CALCRL: variants seen among roughly 807,000 people sequenced by gnomAD.
The protein encoded by CALCRL is calcitonin receptor like receptor.
A neutral mutation model predicts 60.4 loss-of-function variants in CALCRL; 27 were observed. The ratio of observed to expected loss-of-function variants is 0.45; its 90% confidence interval spans 0.33 to 0.62. The LOEUF (loss-of-function observed/expected upper bound fraction) is 0.62, where lower values mean the gene tolerates loss of function less well. CALCRL is among the 20% of genes least tolerant of loss of function. CALCRL has a pLI of 0.03. For missense variants in CALCRL, 424 were observed against 540.7 expected (o/e 0.78, Z 2.14); for synonymous variants, 190 against 182.6 (o/e 1.04, Z -0.33).
chr2:187,409,712 G>C (rs187744684), intron 1 of CALCRL, among the ~76,000 whole-genome samples: 398 of 152,294 alleles, frequency 2.6e-3, no homozygotes, highest in South Asian at 5.0e-3. Context: ...AAAATGACAA[G>C]ATAGTCCTAT....
In CALCRL at chr2:187,359,235, AGCAAT is replaced by A; in HGVS notation, c.814_818del (p.Ile272Ter). 1 of 1,589,700 alleles carries A rather than the reference AGCAAT, an allele frequency of 6.3e-7. No individual in the cohort carries two copies. Among genetic ancestry groups the A allele is most frequent in the Non-Finnish European group, 8.6e-7 (1 of 1,167,314 alleles). On this transcript the variant is annotated frameshift_variant, in exon 11 of 15. Coordinates refer to ENST00000392370, the MANE Select transcript of CALCRL (RefSeq NM_005795.6). LOFTEE classifies it high-confidence loss of function. ...ACTTGTCATTGTAATATAAGCTTCT[AGCAAT>A]GGCATGTATACAAGCAGGAATCAGT... is the stretch of plus-strand genomic sequence containing the variant.
Position 187,360,759 on chromosome 2 carries a change from GA to G in CALCRL, c.628-9del, listed in dbSNP as rs200387056. The G allele has an allele frequency of 9.4e-4, 1,370 of 1,451,796 alleles. 14 individuals are homozygous for G. The South Asian group carries it at 0.011, about 11-fold the overall frequency. The allele number at this position is 1,451,796 out of a possible 1,614,324, so 89.9% of individuals were successfully genotyped here. A position where few individuals can be genotyped will look rare whatever the true frequency, so the allele number is the denominator to read the frequency against. ...GGACACTTTGCAACTAACCTGTGAG[GA>G]AAAAAAAAACCCCAATATTTACTTG... On this transcript the variant is annotated splice_polypyrimidine_tract_variant and intron_variant, in intron 9 of 14. Transcript: ENST00000392370.
intron 12 of CALCRL, among the ~76,000 whole-genome samples, chr2:187,355,576 AG>A (rs1222303985): frequency 2.6e-5 from 4 of 152,142 alleles, no homozygotes; most frequent in African/African-American, 9.6e-5. Context: ...GTATTTAAAA[AG>A]AGTCTGAAGA....
chr2:187,431,499 A>G (rs1036208708), intron 1 of CALCRL: 2 of 154,674 alleles, frequency 1.3e-5, no homozygotes, highest in Non-Finnish European at 2.9e-5. Flanking sequence ...TTCAAATGAT[A>G]CTTTTCAATG....
intron 1 of CALCRL, among the ~76,000 whole-genome samples, chr2:187,418,583 C>A (rs937113205): frequency 5.9e-5 from 9 of 152,006 alleles, no homozygotes; most frequent in Non-Finnish European, 1.0e-4. Context: ...AAGGTTTATT[C>A]ATTCTTACCT....
chr2:187,426,033 T>C (rs975839374), intron 1 of CALCRL, among the ~76,000 whole-genome samples: 3 of 151,882 alleles, frequency 2.0e-5, no homozygotes, highest in East Asian at 1.9e-4. Context: ...CTTCCTGTTA[T>C]AGAATTTTAT....
chr2:187,443,789 G>A (rs1004010770), intron 1 of CALCRL, among the ~76,000 whole-genome samples: 6 of 151,344 alleles, frequency 4.0e-5, no homozygotes, highest in Admixed American at 2.0e-4. Flanking sequence ...GTTATTTATT[G>A]CTCTCTGATA....
At chr2:187,349,266 A>C (rs1394083215) in intron 14 of CALCRL, among the ~76,000 whole-genome samples, 1 of 151,650 alleles carries the variant, frequency 6.6e-6, no homozygotes, top group Non-Finnish European at 1.5e-5. Flanking sequence ...TAATCCAAGC[A>C]CTTGTCAAGC....
At chr2:187,374,605 T>G (rs1260512965) in intron 8 of CALCRL, among the ~76,000 whole-genome samples, 1 of 152,158 alleles carries the variant, frequency 6.6e-6, no homozygotes, top group Non-Finnish European at 1.5e-5. Context: ...CCTTTCTCAG[T>G]GTTCCCCAGG....
chr2:187,395,831 C>G (rs1688627367), intron 1 of CALCRL, among the ~76,000 whole-genome samples: 1 of 152,016 alleles, frequency 6.6e-6, no homozygotes, highest in South Asian at 2.1e-4. Context: ...TTCATTGAAC[C>G]TGGGCAAATT....
At chr2:187,387,112 C>G (rs1174096776) in intron 3 of CALCRL, among the ~76,000 whole-genome samples, 1 of 152,118 alleles carries the variant, frequency 6.6e-6, no homozygotes, top group African/African-American at 2.4e-5. Context: ...AATTTCCGAT[C>G]AACAGATATT....
rs2105667255 is a variant in CALCRL at position 187,342,050 on chromosome 2, T to A, written c.*4134A>T. On this transcript the variant is annotated 3_prime_UTR_variant, in exon 15 of 15. Transcript: ENST00000392370. ...AGACAAATGAATAAATAAAATGTGG[T>A]ATGTTCACCCAATGGAATAAAAGGA... 6.6e-6 allele frequency among the ~76,000 whole-genome samples: 1 copy of A among 152,006 alleles called. No individual in the cohort carries two copies. Among genetic ancestry groups the A allele is most frequent in the African/African-American group, 2.4e-5 (1 of 41,554 alleles).
intron 1 of CALCRL, among the ~76,000 whole-genome samples, chr2:187,440,510 A>C (rs1690850163): frequency 6.6e-6 from 1 of 152,186 alleles, no homozygotes; most frequent in African/African-American, 2.4e-5. Flanking sequence ...TATTTAACTT[A>C]TTCAGACCTC....
intron 1 of CALCRL, among the ~76,000 whole-genome samples, chr2:187,414,989 T>C (rs955483572): frequency 6.6e-6 from 1 of 151,988 alleles, no homozygotes; most frequent in Non-Finnish European, 1.5e-5. Context: ...TCTTTGTTGA[T>C]TGATTTAGTT....
At chr2:187,397,282 A>G (rs752278947) in intron 1 of CALCRL, among the ~76,000 whole-genome samples, 44 of 151,606 alleles carry the variant, frequency 2.9e-4, no homozygotes, top group Admixed American at 2.0e-4. Flanking sequence ...TATCTTCTGC[A>G]GAAATAATGT....
At chr2:187,370,749 T>C (rs1687483056) in intron 8 of CALCRL, among the ~76,000 whole-genome samples, 1 of 152,210 alleles carries the variant, frequency 6.6e-6, no homozygotes, top group Admixed American at 6.5e-5. Context: ...TGCACTACTC[T>C]GTCTGCATTC....
intron 1 of CALCRL, among the ~76,000 whole-genome samples, chr2:187,431,112 T>C (rs180976001): frequency 6.6e-6 from 1 of 152,172 alleles, no homozygotes; most frequent in African/African-American, 2.4e-5. Context: ...ATGTCCATAA[T>C]TCCATCTTTA....
chr2:187,413,968 T>C (rs1281423253), intron 1 of CALCRL, among the ~76,000 whole-genome samples: 1 of 152,132 alleles, frequency 6.6e-6, no homozygotes, highest in Non-Finnish European at 1.5e-5. Context: ...TCTACATAAA[T>C]AAAATGTGGA....
At chr2:187,414,886 TTTTA>T (rs1231594649) in intron 1 of CALCRL, among the ~76,000 whole-genome samples, 223 of 1,372 alleles carry the variant, frequency 0.16, 2 homozygotes, top group African/African-American at 0.22. Flanking sequence ...ATTTTTTTTT[TTTTA>T]AAAAAAAAAA....
Sources: allele counts gnomAD v4.1 joint callset (sites outside exome capture counted in the v4.1 genomes callset), GRCh38; gene constraint gnomAD v4.1.1; transcripts MANE v1.5; gene names NCBI Gene and HGNC (gene_info 2026-07-23, HGNC 2026-07-21).